ANGPT1: variants seen among roughly 807,000 people sequenced by gnomAD.
ANGPT1 encodes angiopoietin 1.
Under a neutral mutation model 62.2 loss-of-function variants are expected in ANGPT1, and 17 were observed. That is an observed-to-expected ratio of 0.27 (90% CI 0.19 to 0.41). The LOEUF (loss-of-function observed/expected upper bound fraction) is 0.41. ANGPT1 is among the 10% of genes least tolerant of loss of function. The pLI is 1.00. For missense variants in ANGPT1, 478 were observed against 594.9 expected (o/e 0.80, Z 2.04); for synonymous variants, 199 against 198.9 (o/e 1.00, Z 0.00).
At chr8:107,402,735 A>C (rs1817070308) in intron 1 of ANGPT1, among the ~76,000 whole-genome samples, 2 of 152,198 alleles carry the variant, frequency 1.3e-5, no homozygotes, top group Admixed American at 6.5e-5. Context: ...CATGATCCTT[A>C]ATCTCTAAAC....
intron 4 of ANGPT1, among the ~76,000 whole-genome samples, chr8:107,321,078 T>C (rs1464360676): frequency 6.6e-6 from 1 of 152,040 alleles, no homozygotes; most frequent in African/African-American, 2.4e-5. Flanking sequence ...GACTTCAAGT[T>C]CCAAACTTTG....
At chr8:107,390,875 C>A (rs1276641528) in intron 1 of ANGPT1, among the ~76,000 whole-genome samples, 1 of 152,080 alleles carries the variant, frequency 6.6e-6, no homozygotes, top group Non-Finnish European at 1.5e-5. Context: ...TCTAGGAAGT[C>A]TGGCTTCAGA....
At chr8:107,448,391 C>G (rs1586330859) in intron 1 of ANGPT1, among the ~76,000 whole-genome samples, 2 of 152,274 alleles carry the variant, frequency 1.3e-5, no homozygotes, top group East Asian at 1.9e-4. Context: ...ATTTCTTCCT[C>G]TATCACTTTT....
intron 4 of ANGPT1, among the ~76,000 whole-genome samples, chr8:107,317,925 C>T (rs1815058257): frequency 6.6e-6 from 1 of 152,218 alleles, no homozygotes; most frequent in South Asian, 2.1e-4. Flanking sequence ...GCCACCGCGC[C>T]TGGCCAACTA....
At chr8:107,306,453 A>G (rs965098654) in intron 4 of ANGPT1, among the ~76,000 whole-genome samples, 4 of 152,138 alleles carry the variant, frequency 2.6e-5, no homozygotes, top group Admixed American at 6.6e-5. Flanking sequence ...AGATGAAATT[A>G]TAAACGATTT....
intron 8 of ANGPT1, among the ~76,000 whole-genome samples, chr8:107,260,037 C>T (rs1489918720): frequency 6.6e-6 from 1 of 152,098 alleles, no homozygotes; most frequent in African/African-American, 2.4e-5. Context: ...AACTTATGCT[C>T]TAGCCTGTCT....
chr8:107,362,176 AGTAAGTT>A (rs1816181019), intron 1 of ANGPT1, among the ~76,000 whole-genome samples: 1 of 152,236 alleles, frequency 6.6e-6, no homozygotes, highest in Non-Finnish European at 1.5e-5. Context: ...GCATTTACTC[AGTAAGTT>A]TTATATGTGT....
At chr8:107,332,571 T>G (rs1300734577) in intron 3 of ANGPT1, among the ~76,000 whole-genome samples, 1 of 152,194 alleles carries the variant, frequency 6.6e-6, no homozygotes. Flanking sequence ...ATTTAATTTG[T>G]CAGGATGTAA....
chr8:107,394,767 G>GTATTTA (rs144594688), intron 1 of ANGPT1, among the ~76,000 whole-genome samples: 1 of 151,982 alleles, frequency 6.6e-6, no homozygotes, highest in East Asian at 1.9e-4. Flanking sequence ...TTTCCTTTCT[G>GTATTTA]TATTTATATT....
At chr8:107,325,565 T>G (rs1815266972) in intron 3 of ANGPT1, among the ~76,000 whole-genome samples, 1 of 152,170 alleles carries the variant, frequency 6.6e-6, no homozygotes, top group Non-Finnish European at 1.5e-5. Context: ...TCCTAATCAG[T>G]AGGTAACATT....
intron 1 of ANGPT1, among the ~76,000 whole-genome samples, chr8:107,437,010 T>C (rs182493983): frequency 6.6e-6 from 1 of 152,342 alleles, no homozygotes; most frequent in Non-Finnish European, 1.5e-5. Flanking sequence ...TTAGTATCTC[T>C]AATTATTAAA....
intron 7 of ANGPT1, among the ~76,000 whole-genome samples, chr8:107,267,901 T>C (rs530033788): frequency 6.6e-6 from 1 of 152,184 alleles, no homozygotes; most frequent in Non-Finnish European, 1.5e-5. Flanking sequence ...CATTTGCAAG[T>C]ACCATCCCCT....
intron 1 of ANGPT1, among the ~76,000 whole-genome samples, chr8:107,376,920 C>G (rs895377331): frequency 6.6e-6 from 1 of 152,090 alleles, no homozygotes; most frequent in African/African-American, 2.4e-5. Flanking sequence ...AATTTTGAAG[C>G]AAATATTCTC....
At chr8:107,398,254 T>A (rs1439408046) in intron 1 of ANGPT1, among the ~76,000 whole-genome samples, 4 of 152,194 alleles carry the variant, frequency 2.6e-5, no homozygotes. Flanking sequence ...AGTTTTAGAA[T>A]AGTTTTTGTT....
At chr8:107,400,159 C>T (rs1476587243) in intron 1 of ANGPT1, among the ~76,000 whole-genome samples, 2 of 152,156 alleles carry the variant, frequency 1.3e-5, no homozygotes, top group East Asian at 3.9e-4. Flanking sequence ...AAAGAGGAGA[C>T]CCAGCTCCTT....
At chr8:107,349,267 C>T (rs1815882165) in intron 1 of ANGPT1, among the ~76,000 whole-genome samples, 1 of 152,084 alleles carries the variant, frequency 6.6e-6, no homozygotes, top group East Asian at 1.9e-4. Context: ...TAGTTCCACC[C>T]TTGGACATTC....
At chr8:107,455,635 T>G (rs1586337176) in intron 1 of ANGPT1, among the ~76,000 whole-genome samples, 1 of 152,016 alleles carries the variant, frequency 6.6e-6, no homozygotes, top group South Asian at 2.1e-4. Context: ...GAGACTTTAT[T>G]AACAAAAAAA....
chr8:107,394,079 G>C (rs768569159), intron 1 of ANGPT1, among the ~76,000 whole-genome samples: 1 of 152,140 alleles, frequency 6.6e-6, no homozygotes, highest in Non-Finnish European at 1.5e-5. Flanking sequence ...TTTTATTACA[G>C]TGCCCGCAAG....
chr8:107,422,513 C>T (rs1268523244), intron 1 of ANGPT1, among the ~76,000 whole-genome samples: 1 of 152,182 alleles, frequency 6.6e-6, no homozygotes, highest in East Asian at 1.9e-4. Context: ...AAATTCAGAG[C>T]ACAACTGATA....
Sources: allele counts gnomAD v4.1 joint callset (sites outside exome capture counted in the v4.1 genomes callset), GRCh38; gene constraint gnomAD v4.1.1; transcripts MANE v1.5; gene names NCBI Gene and HGNC (gene_info 2026-07-23, HGNC 2026-07-21).